The following DACT3 variants were observed in gnomAD, a reference collection of about 807,000 sequenced individuals.
The protein encoded by DACT3 is dishevelled binding antagonist of beta catenin 3, also known as dapper homolog 3.
DACT3 carries 5 observed loss-of-function variants against 19.6 expected under a neutral mutation model. That is an observed-to-expected ratio of 0.26 (90% CI 0.13 to 0.54). The LOEUF (loss-of-function observed/expected upper bound fraction) is 0.54, where lower values mean the gene tolerates loss of function less well. DACT3 is among the 20% of genes least tolerant of loss of function. The probability of loss-of-function intolerance (pLI) is 0.95; values close to 1 mark genes in which losing one functional copy is unlikely to be tolerated. For missense variants in DACT3, 908 were observed against 927.4 expected, an observed-to-expected ratio of 0.98 and a Z score of 0.27; for synonymous variants, 454 against 428.1, an observed-to-expected ratio of 1.06 and a Z score of -0.75.
In DACT3 at chr19:46,647,873, A is replaced by C. The variant is rs1259119695; in HGVS notation, c.*609T>G. The C allele has an allele frequency of 2.6e-5, 4 of 152,864 alleles. No individual in the cohort carries two copies. In the East Asian group the frequency reaches 5.8e-4, roughly 22 times the overall value. 9.5% of individuals were successfully genotyped at this position (152,864 alleles called of 1,614,324 possible). ...AATTGTCCAGGGATCGAAGTGAAAG[A>C]GTCCTTCTTTCCAGGTGTTACCAAC... On this transcript the variant is annotated 3_prime_UTR_variant, in exon 4 of 4. Coordinates refer to ENST00000391916, the MANE Select transcript of DACT3 (RefSeq NM_145056.3).
At chr19:46,652,598 C>G (rs2052996419) in intron 3 of DACT3, 62 bp downstream of exon 3, 1 of 1,509,474 alleles carries the variant, frequency 6.6e-7, no homozygotes, top group African/African-American at 1.4e-5. Flanking sequence ...GAAGTCTGTG[C>G]CCACAACCAT....
chr19:46,656,187 T>C (rs1028433908), intron 1 of DACT3, among the ~76,000 whole-genome samples: 5 of 150,252 alleles, frequency 3.3e-5, no homozygotes, highest in African/African-American at 9.8e-5. Flanking sequence ...GCAGGTGGGA[T>C]GACAAGCATG....
intron 3 of DACT3, 180 bp from the exon 4 acceptor site, chr19:46,650,052 G>C (rs1028083985): frequency 7.2e-6 from 5 of 691,098 alleles, no homozygotes; most frequent in African/African-American, 5.7e-5. Flanking sequence ...AATCTTTACA[G>C]GGTCCTACAA....
At position 46,648,322 on chromosome 19, in the gene DACT3, G is replaced by A. The variant is rs1012327371; in HGVS notation, c.*160C>T. The A allele has an allele frequency of 4.2e-6, 5 of 1,198,756 alleles. No homozygotes were observed. The highest frequency in any genetic ancestry group is 1.5e-5 in the South Asian group (1 of 64,832). The allele number at this position is 1,198,756 out of a possible 1,614,324, so 74.3% of individuals were successfully genotyped here. The stretch of plus-strand genomic sequence containing the variant: ...CCCCATTCCTCTCGGTGGTGGTGGG[G>A]GAGCCTTTTCAACCAAGACTGTTAG... On this transcript the variant is annotated 3_prime_UTR_variant, in exon 4 of 4. Transcript: ENST00000391916. The surrounding 1 kb of genome is among the most constrained non-coding windows in gnomAD (Gnocchi z 5.1).
In DACT3 at chr19:46,652,582, G is replaced by C. The variant is rs115126282; in HGVS notation, c.499+78C>G. ...ACAGCTGGAATTGGAATCCAGGCCC[G>C]ATTCGGAAGTCTGTGCCCACAACCA... is the stretch of plus-strand genomic sequence containing the variant. On this transcript the variant is annotated intron_variant, in intron 3 of 3. Transcript: ENST00000391916. 4.1e-5 allele frequency: 59 copies of C among 1,443,672 alleles called. No individual in the cohort carries two copies. The African/African-American group carries it at 7.1e-4, about 17-fold the overall frequency. The allele number at this position is 1,443,672 out of a possible 1,614,324, so 89.4% of individuals were successfully genotyped here. A position where few individuals can be genotyped will look rare whatever the true frequency, so the allele number is the denominator to read the frequency against.
intron 3 of DACT3, chr19:46,651,945 G>A (rs984319290): frequency 1.3e-5 from 2 of 152,160 alleles, no homozygotes; most frequent in Non-Finnish European, 2.9e-5. Context: ...CCTGGCTAGA[G>A]TGCAGTGGCT....
intron 1 of DACT3, among the ~76,000 whole-genome samples, chr19:46,659,944 AAG>A (rs148901191): frequency 6.6e-6 from 1 of 152,296 alleles, no homozygotes; most frequent in East Asian, 1.9e-4. Flanking sequence ...AGGATGAAGA[AAG>A]AGAAGCAGAC....
Position 46,649,291 on chromosome 19 carries a change from G to A in DACT3, c.1081C>T (p.Pro361Ser). The A allele has an allele frequency of 1.6e-6, 2 of 1,223,354 alleles. No individual in the cohort carries two copies. The highest frequency in any genetic ancestry group is 2.7e-5 in the South Asian group (1 of 36,366). 75.8% of individuals were successfully genotyped at this position (1,223,354 alleles called of 1,614,324 possible). A position where few individuals can be genotyped will look rare whatever the true frequency, so the allele number is the denominator to read the frequency against. Residue 361 changes from proline to serine, a missense_variant, in exon 4 of 4, where the codon CCG becomes TCG. By Grantham distance (74) the Pro-to-Ser change is moderately conservative. Coordinates refer to ENST00000391916, the MANE Select transcript of DACT3 (RefSeq NM_145056.3). ...EGRLVKAQYI[P>S]GAQAATRGLP... ...CCTCGGGTGGCCGCCTGCGCGCCCG[G>A]GATGTACTGCGCCTTCACCAAGCGG...
chr19:46,657,773 G>A (rs982748482), intron 1 of DACT3, among the ~76,000 whole-genome samples: 1 of 151,998 alleles, frequency 6.6e-6, no homozygotes, highest in Non-Finnish European at 1.5e-5. Flanking sequence ...TGTAGGTGTC[G>A]GGCGCAGTGG....
rs2122427081 is a variant in DACT3, at chr19:46,648,301, A to C, written c.*181T>G. On this transcript the variant is annotated 3_prime_UTR_variant, in exon 4 of 4. Transcript: ENST00000391916. This position sits in a 1 kb window ranked among gnomAD's most constrained non-coding sequence, Gnocchi z 5.1. ...ACTGGGTCAAACAGGGCTCCTCCCC[A>C]TTCCTCTCGGTGGTGGTGGGGGAGC... 3 of 1,042,718 alleles carry C rather than the reference A, an allele frequency of 2.9e-6. No homozygotes were observed. The highest frequency in any genetic ancestry group is 3.2e-5 in the South Asian group (2 of 63,060). 64.6% of individuals were successfully genotyped at this position (1,042,718 alleles called of 1,614,324 possible).
chr19:46,652,607 A>T, intron 3 of DACT3, 53 bp downstream of exon 3: 2 of 1,525,804 alleles, frequency 1.3e-6, no homozygotes, highest in Non-Finnish European at 1.8e-6. Flanking sequence ...GCCCACAACC[A>T]TCCTCCTACT....
rs191886465 is a variant in DACT3 at position 46,649,537 on chromosome 19, G to A, written c.835C>T (p.Pro279Ser). The A allele has an allele frequency of 3.2e-3, 3,337 of 1,051,204 alleles. 81 individuals carry two copies. In the African/African-American group the frequency reaches 0.05, roughly 16 times the overall value. The allele number at this position is 1,051,204 out of a possible 1,614,324, so 65.1% of individuals were successfully genotyped here. A position where few individuals can be genotyped will look rare whatever the true frequency, so the allele number is the denominator to read the frequency against. Residue 279 changes from proline to serine, a missense_variant, in exon 4 of 4, where the codon CCG becomes TCG. Physicochemically the swap from Pro to Ser is moderately conservative, Grantham distance 74. Around this residue, in one of 2 missense-constraint regions of DACT3, gnomAD observed 656 missense variants for 601.8 expected, o/e 1.09. Transcript: ENST00000391916. ...TGGCGCACGCTGTTCTGGCGCCGCG[G>A]GCCGCCGTCCGCGCCCCCGGGACTG... ...RTSPGGADGGPRRQNSVRQRP... is the reference protein window; with the variant it reads ...RTSPGGADGGSRRQNSVRQRP...
At chr19:46,657,883 C>G (rs1164273314) in intron 1 of DACT3, among the ~76,000 whole-genome samples, 1 of 151,940 alleles carries the variant, frequency 6.6e-6, no homozygotes, top group Non-Finnish European at 1.5e-5. Flanking sequence ...GAAAGCCCAT[C>G]TCTACTAAAA....
chr19:46,659,372 G>A (rs2053056926), intron 1 of DACT3: 2 of 964,604 alleles, frequency 2.1e-6, no homozygotes, highest in African/African-American at 1.8e-5. Flanking sequence ...GTGAAAAGGG[G>A]AGAGACCGAG....
chr19:46,659,566 C>G (rs2053058975), intron 1 of DACT3: 1 of 463,704 alleles, frequency 2.2e-6, no homozygotes, highest in Non-Finnish European at 2.8e-6. Context: ...GTTTCTGTTT[C>G]CAGAAAAGAA....
chr19:46,659,061 G>C (rs909912974), intron 1 of DACT3: 5 of 982,908 alleles, frequency 5.1e-6, no homozygotes. Context: ...GGGGGTGGGG[G>C]GATAAGTCAT....
intron 1 of DACT3, among the ~76,000 whole-genome samples, chr19:46,656,330 G>A (rs144653681): frequency 4.0e-5 from 6 of 151,068 alleles, no homozygotes; most frequent in East Asian, 2.0e-4. Context: ...GATTGCATGC[G>A]TGAGCCACTG....
At chr19:46,659,187 G>C in intron 1 of DACT3, 1 of 984,264 alleles carries the variant, frequency 1.0e-6, no homozygotes, top group Non-Finnish European at 1.2e-6. Flanking sequence ...TCCTCCCCCC[G>C]CCTGCCACCG....
intron 2 of DACT3, 31 bp from the exon 3 acceptor site, chr19:46,652,843 A>G: frequency 6.5e-7 from 1 of 1,545,398 alleles, no homozygotes; most frequent in Non-Finnish European, 8.7e-7. Flanking sequence ...GAGAGACTTC[A>G]GGGGGTTTGG....
Sources: allele counts gnomAD v4.1 joint callset (sites outside exome capture counted in the v4.1 genomes callset), GRCh38; gene constraint gnomAD v4.1.1; regional missense constraint gnomAD v4.1.1; non-coding constraint Gnocchi (gnomAD v3.1); transcripts MANE v1.5; gene names NCBI Gene and HGNC (gene_info 2026-07-23, HGNC 2026-07-21).